The following LPAR1 variants were observed in gnomAD, a reference collection of about 807,000 sequenced individuals.
LPAR1 encodes LPA receptor 1.
A neutral mutation model predicts 23.8 loss-of-function variants in LPAR1; 5 were observed. That is an observed-to-expected ratio of 0.21 (90% CI 0.11 to 0.44). LPAR1 has a LOEUF of 0.44. Among genes scored for constraint, LPAR1 ranks in the 20% least tolerant of loss-of-function variants. The probability of loss-of-function intolerance (pLI) is 0.99; values close to 1 mark genes in which losing one functional copy is unlikely to be tolerated. For missense variants in LPAR1, 311 were observed against 482.8 expected (o/e 0.64, Z 3.33); for synonymous variants, 160 against 164.7 (o/e 0.97, Z 0.22).
chr9:110,880,290 A>G (rs1427426591), intron 5 of LPAR1, among the ~76,000 whole-genome samples: 1 of 152,162 alleles, frequency 6.6e-6, no homozygotes, highest in African/African-American at 2.4e-5. Context: ...AAAGGCAGGG[A>G]GGAATGAGGC....
chr9:110,976,336 CAAAAAA>C (rs11356512), intron 2 of LPAR1, among the ~76,000 whole-genome samples: 275 of 126,740 alleles, frequency 2.2e-3, no homozygotes, highest in Admixed American at 0.011. Context: ...ACTAAAAATA[CAAAAAA>C]AAAAAAAAAA....
intron 5 of LPAR1, among the ~76,000 whole-genome samples, chr9:110,907,308 C>T (rs925932507): frequency 3.9e-5 from 6 of 152,110 alleles, no homozygotes; most frequent in Admixed American, 6.6e-5. Flanking sequence ...ACTTGACAGA[C>T]CCTGAGCCAC....
At chr9:111,021,142 G>A (rs1307423713) in intron 2 of LPAR1, among the ~76,000 whole-genome samples, 1 of 152,166 alleles carries the variant, frequency 6.6e-6, no homozygotes, top group East Asian at 1.9e-4. Flanking sequence ...GAGTTGATGG[G>A]GGAAAGGGAA....
intron 5 of LPAR1, among the ~76,000 whole-genome samples, chr9:110,891,226 C>A (rs1031205540): frequency 6.6e-6 from 1 of 152,036 alleles, no homozygotes; most frequent in Admixed American, 6.5e-5. Flanking sequence ...AATTAAAGTA[C>A]AAAACTAAAT....
chr9:111,021,409 T>C (rs2096654518), intron 2 of LPAR1, among the ~76,000 whole-genome samples: 1 of 152,212 alleles, frequency 6.6e-6, no homozygotes, highest in Non-Finnish European at 1.5e-5. Flanking sequence ...TCCTTAAACT[T>C]GGTGTAGTCA....
At chr9:110,968,295 T>G (rs1243628073) in intron 4 of LPAR1, among the ~76,000 whole-genome samples, 1 of 152,176 alleles carries the variant, frequency 6.6e-6, no homozygotes, top group Admixed American at 6.5e-5. Flanking sequence ...GTCAATTGGC[T>G]CGCGAAATTC....
intron 5 of LPAR1, among the ~76,000 whole-genome samples, chr9:110,907,864 G>A (rs553043502): frequency 4.0e-4 from 61 of 150,656 alleles, no homozygotes; most frequent in African/African-American, 1.4e-3. Context: ...ATTTACATCG[G>A]TTTAATTGTT....
chr9:110,911,124 G>GA (rs1290988884), intron 5 of LPAR1, among the ~76,000 whole-genome samples: 3 of 152,074 alleles, frequency 2.0e-5, no homozygotes, highest in Admixed American at 6.5e-5. Flanking sequence ...AGGAAGAATC[G>GA]ATCAACGTGG....
At chr9:110,884,620 C>A (rs1235502414) in intron 5 of LPAR1, among the ~76,000 whole-genome samples, 1 of 152,194 alleles carries the variant, frequency 6.6e-6, no homozygotes, top group African/African-American at 2.4e-5. Context: ...TTCTCATCCT[C>A]TCCTACCTGA....
At chr9:110,908,357 T>C (rs1324696018) in intron 5 of LPAR1, among the ~76,000 whole-genome samples, 1 of 149,800 alleles carries the variant, frequency 6.7e-6, no homozygotes, top group African/African-American at 2.4e-5. Context: ...TATATTAAAT[T>C]GATACTAAGT....
intron 2 of LPAR1, among the ~76,000 whole-genome samples, chr9:110,993,467 C>T (rs1411677776): frequency 2.6e-5 from 4 of 152,064 alleles, no homozygotes; most frequent in Non-Finnish European, 5.9e-5. Context: ...CCAAGGGCAG[C>T]CCAACGCAGA....
At chr9:111,023,305 T>C (rs371489092) in intron 2 of LPAR1, among the ~76,000 whole-genome samples, 1 of 152,122 alleles carries the variant, frequency 6.6e-6, no homozygotes. Flanking sequence ...TTGCTTCTGT[T>C]ACTATTTCTT....
intron 5 of LPAR1, among the ~76,000 whole-genome samples, chr9:110,908,999 C>T (rs560829164): frequency 4.1e-4 from 62 of 152,212 alleles, no homozygotes; most frequent in Middle Eastern, 3.4e-3. Flanking sequence ...GACCTTCAGG[C>T]CTCTCAAAAA....
At position 110,874,415 on chromosome 9, in the gene LPAR1, A is replaced by G. The variant is rs2078689709; in HGVS notation, c.*1006T>C. 1 of 152,662 alleles carries G rather than the reference A, an allele frequency of 6.6e-6. No individual in the cohort carries two copies. The highest frequency in any genetic ancestry group is 1.9e-4 in the East Asian group (1 of 5,204). The allele number at this position is 152,662 out of a possible 1,614,324, so 9.5% of individuals were successfully genotyped here. ...TCCAATTATGTAAAAAAAGTATACAATACACATATAGGCATACATGGGGGT... is the reference window on the plus strand; with the variant it reads ...TCCAATTATGTAAAAAAAGTATACAGTACACATATAGGCATACATGGGGGT... On this transcript the variant is annotated 3_prime_UTR_variant, in exon 6 of 6. Coordinates refer to ENST00000683809, the MANE Select transcript of LPAR1 (RefSeq NM_001351411.2).
chr9:110,903,882 C>CAAAAAA (rs61456167), intron 5 of LPAR1, among the ~76,000 whole-genome samples: 6 of 77,222 alleles, frequency 7.8e-5, no homozygotes, highest in African/African-American at 1.3e-4. Flanking sequence ...AAGTGAATTG[C>CAAAAAA]AAAAAAAAAA....
At chr9:111,008,260 C>T (rs1411054668) in intron 2 of LPAR1, among the ~76,000 whole-genome samples, 1 of 151,982 alleles carries the variant, frequency 6.6e-6, no homozygotes, top group Non-Finnish European at 1.5e-5. Flanking sequence ...GACGTCTTTT[C>T]CCAGAATACT....
At chr9:111,036,684 C>T (rs2097902843) in intron 1 of LPAR1, among the ~76,000 whole-genome samples, 1 of 152,166 alleles carries the variant, frequency 6.6e-6, no homozygotes, top group South Asian at 2.1e-4. Flanking sequence ...ACCTTGCGGG[C>T]TCGGATGATG....
intron 2 of LPAR1, among the ~76,000 whole-genome samples, chr9:110,993,083 G>A (rs1450723034): frequency 6.6e-6 from 1 of 152,046 alleles, no homozygotes; most frequent in Non-Finnish European, 1.5e-5. Context: ...TCCTTAAATG[G>A]AAAACTCTGG....
chr9:110,920,758 T>C (rs985506862), intron 5 of LPAR1, among the ~76,000 whole-genome samples: 3 of 152,194 alleles, frequency 2.0e-5, no homozygotes, highest in Non-Finnish European at 2.9e-5. Context: ...AAACACTATC[T>C]GCACTATCAT....
Sources: gnomAD v4.1 joint callset for allele counts (sites outside exome capture counted in the v4.1 genomes callset) on GRCh38, gnomAD v4.1.1 for gene constraint, MANE v1.5 for transcripts, NCBI Gene and HGNC (gene_info 2026-07-23, HGNC 2026-07-21) for gene names.